Variants in PXT1 observed in about 807,000 individuals in gnomAD.
PXT1 encodes peroxisomal testis enriched protein 1.
PXT1 carries 11 observed loss-of-function variants against 11.0 expected under a neutral mutation model. That is an observed-to-expected ratio of 1.00 (90% CI 0.63 to 1.66). The LOEUF (loss-of-function observed/expected upper bound fraction) is 1.66. Ranked by LOEUF, PXT1 falls within the 40% of genes most tolerant of loss-of-function variation. PXT1 has a pLI of 0.00. For missense variants in PXT1, 141 were observed against 155.5 expected, an observed-to-expected ratio of 0.91 and a Z score of 0.49; for synonymous variants, 43 against 51.4, an observed-to-expected ratio of 0.84 and a Z score of 0.70.
intron 3 of PXT1, among the ~76,000 whole-genome samples, chr6:36,402,867 T>G (rs567424526): frequency 6.6e-6 from 1 of 152,246 alleles, no homozygotes; most frequent in African/African-American, 2.4e-5. Flanking sequence ...CTCAGGCCTC[T>G]CTCCACTCCA....
intron 3 of PXT1, among the ~76,000 whole-genome samples, chr6:36,416,512 A>C (rs1291492472): frequency 6.6e-6 from 1 of 152,210 alleles, no homozygotes. Flanking sequence ...TAAAGAAAAA[A>C]AAATTCATCC....
intron 3 of PXT1, among the ~76,000 whole-genome samples, chr6:36,411,768 C>T (rs943670888): frequency 2.2e-4 from 33 of 151,672 alleles, no homozygotes; most frequent in Admixed American, 5.9e-4. Flanking sequence ...ATAGTGAGAC[C>T]CCATCTCTAC....
chr6:36,401,639 T>G (rs555490168), intron 3 of PXT1, among the ~76,000 whole-genome samples: 1 of 150,632 alleles, frequency 6.6e-6, no homozygotes, highest in Non-Finnish European at 1.5e-5. Flanking sequence ...AAAAATAGAT[T>G]CACATATCCA....
chr6:36,440,284 A>G (rs546792807), intron 1 of PXT1, among the ~76,000 whole-genome samples: 60 of 152,308 alleles, frequency 3.9e-4, no homozygotes, highest in Non-Finnish European at 7.9e-4. Context: ...TTAAGAGTCA[A>G]CCTTGACCGG....
intron 1 of PXT1, among the ~76,000 whole-genome samples, chr6:36,439,337 A>G (rs1774820850): frequency 6.7e-6 from 1 of 149,608 alleles, no homozygotes; most frequent in African/African-American, 2.5e-5. Context: ...GGTGGCTGGG[A>G]GTGGTGGCTC....
intron 3 of PXT1, among the ~76,000 whole-genome samples, chr6:36,407,165 T>C (rs950580102): frequency 1.3e-5 from 2 of 152,196 alleles, no homozygotes; most frequent in Non-Finnish European, 2.9e-5. Flanking sequence ...AAAAGTTCAA[T>C]GTAAAACAGA....
At chr6:36,426,339 T>C (rs2127416651) in intron 2 of PXT1, among the ~76,000 whole-genome samples, 1 of 148,906 alleles carries the variant, frequency 6.7e-6, no homozygotes, top group East Asian at 2.0e-4. Flanking sequence ...CATTAGTCTT[T>C]CTTCTCTCTC....
intron 1 of PXT1, among the ~76,000 whole-genome samples, chr6:36,442,009 A>G (rs1774878530): frequency 6.6e-6 from 1 of 152,116 alleles, no homozygotes; most frequent in Admixed American, 6.6e-5. Flanking sequence ...TAGTTTATAG[A>G]GCTTTCAACA....
chr6:36,428,416 G>GAAGAAAAAAAAAAAAAA (rs1774639174), intron 2 of PXT1, among the ~76,000 whole-genome samples: 1 of 136,714 alleles, frequency 7.3e-6, no homozygotes, highest in Non-Finnish European at 1.5e-5. Flanking sequence ...GAGCGAGACT[G>GAAGAAAAAAAAAAAAAA]AAAAAAAAGA....
intron 3 of PXT1, among the ~76,000 whole-genome samples, chr6:36,408,122 C>T (rs1258962705): frequency 3.3e-5 from 5 of 151,810 alleles, no homozygotes; most frequent in South Asian, 4.2e-4. Context: ...CCACCACACC[C>T]GGCTAATTTT....
At chr6:36,410,628 G>GGGAA (rs1481442970) in intron 3 of PXT1, among the ~76,000 whole-genome samples, 1 of 150,864 alleles carries the variant, frequency 6.6e-6, no homozygotes, top group Non-Finnish European at 1.5e-5. Context: ...AAAGGAAGGA[G>GGGAA]GGAAGGAAGG....
At chr6:36,406,423 C>T (rs1416841947) in intron 3 of PXT1, among the ~76,000 whole-genome samples, 1 of 152,084 alleles carries the variant, frequency 6.6e-6, no homozygotes, top group Non-Finnish European at 1.5e-5. Context: ...GAGTTGAAGC[C>T]ACTTGTAAGT....
At chr6:36,398,811 A>G (rs545554773) in intron 4 of PXT1, among the ~76,000 whole-genome samples, 1 of 152,078 alleles carries the variant, frequency 6.6e-6, no homozygotes, top group Non-Finnish European at 1.5e-5. Context: ...ACCTTCCCAG[A>G]GATGCCTTCC....
chr6:36,413,594 A>G (rs945004499), intron 3 of PXT1, among the ~76,000 whole-genome samples: 25 of 152,336 alleles, frequency 1.6e-4, no homozygotes, highest in Admixed American at 9.8e-4. Context: ...TCCCATCAAT[A>G]ACAATGGATA....
rs543101698 is a variant in PXT1 at position 36,425,944 on chromosome 6, G to C, written c.139C>G (p.Gln47Glu). ...TTCCTTGACATGGCTGGAACTGGCTGGGAGCTGACAAGTTGGGTCATGTAT... is the reference window on the plus strand; with the variant it reads ...TTCCTTGACATGGCTGGAACTGGCTCGGAGCTGACAAGTTGGGTCATGTAT... ...KAYMTQLVSSQPVPAMSRNPD... is the reference protein window; with the variant it reads ...KAYMTQLVSSEPVPAMSRNPD... Residue 47 changes from glutamine (Q) to glutamate (E), a missense_variant, in exon 3 of 5, where the codon CAG becomes GAG. Gln to Glu is a conservative substitution (Grantham distance 29, BLOSUM62 2). Coordinates refer to ENST00000454782, the MANE Select transcript of PXT1 (RefSeq NM_152990.4). The C allele has an allele frequency of 6.5e-7, 1 of 1,535,412 alleles. No individual in the cohort carries two copies. Among genetic ancestry groups the C allele is most frequent in the Admixed American group, 2.0e-5 (1 of 50,730 alleles).
At position 36,415,993 on chromosome 6, in the gene PXT1, T is replaced by C. The variant is rs569218692; in HGVS notation, c.169+9921A>G. The stretch of plus-strand genomic sequence containing the variant: ...TGAAACAGGAGACTGGTCCATCTGC[T>C]AAGAAGGAAAGAGATCCTGAAGTGT... On this transcript the variant is annotated intron_variant, in intron 3 of 4. Coordinates refer to ENST00000454782, the MANE Select transcript of PXT1 (RefSeq NM_152990.4). Among the ~76,000 whole-genome samples the C allele has an allele frequency of 2.6e-5, 4 of 152,020 alleles. No homozygotes were observed. In the East Asian group the frequency reaches 7.7e-4, roughly 29 times the overall value.
intron 2 of PXT1, among the ~76,000 whole-genome samples, chr6:36,435,031 C>A (rs1024873384): frequency 1.3e-4 from 19 of 144,060 alleles, no homozygotes; most frequent in Non-Finnish European, 2.8e-4. Context: ...CAAATATGGA[C>A]AATAAAAAAG....
chr6:36,421,336 C>A (rs1774522503), intron 3 of PXT1, among the ~76,000 whole-genome samples: 2 of 152,156 alleles, frequency 1.3e-5, no homozygotes, highest in South Asian at 4.2e-4. Context: ...TGATGCATAC[C>A]TATGGTCCCA....
rs139120641 is a variant in PXT1 at position 36,424,218 on chromosome 6, C to T, written c.169+1696G>A. Among the ~76,000 whole-genome samples the T allele has an allele frequency of 8.5e-5, 13 of 152,260 alleles. 1 individual carries two copies. The East Asian group carries it at 1.5e-3, about 18-fold the overall frequency. ...TATACTAAAACCCTCTGTCCGTACA[C>T]TTTAAAAGGGTGAACTTTATGTTAA... On this transcript the variant is annotated intron_variant, in intron 3 of 4. Coordinates refer to ENST00000454782, the MANE Select transcript of PXT1 (RefSeq NM_152990.4).
Sources: allele counts gnomAD v4.1 joint callset (sites outside exome capture counted in the v4.1 genomes callset), GRCh38; gene constraint gnomAD v4.1.1; transcripts MANE v1.5; gene names NCBI Gene and HGNC (gene_info 2026-07-23, HGNC 2026-07-21).